ADAMTSL1: variants seen among roughly 807,000 people sequenced by gnomAD.
The protein encoded by ADAMTSL1 is ADAMTS-like protein 1.
ADAMTSL1 carries 126 observed loss-of-function variants against 201.8 expected under a neutral mutation model. That is an observed-to-expected ratio of 0.62 (90% confidence interval 0.54 to 0.72). ADAMTSL1 has a LOEUF of 0.72. ADAMTSL1 is among the 30% of genes least tolerant of loss of function. The pLI, the probability that ADAMTSL1 is intolerant of heterozygous loss-of-function variation, is 0.00. For synonymous variants in ADAMTSL1, 1,121 were observed against 903.4 expected (o/e 1.24, Z -4.32); for missense variants, 2,679 against 2,277.8 (o/e 1.18, Z -3.59).
intron 2 of ADAMTSL1, among the ~76,000 whole-genome samples, chr9:18,167,906 T>A (rs778845034): frequency 8.6e-5 from 13 of 152,034 alleles, no homozygotes; most frequent in Non-Finnish European, 1.6e-4. Context: ...AATGACTCAC[T>A]CTTTCATTAG....
At chr9:18,474,069 C>G (rs1049151697), upstream of ADAMTSL1, 32 of 578,242 alleles carry the variant, frequency 5.5e-5, no homozygotes, top group Non-Finnish European at 7.7e-5. Context: ...GCTTACCCCC[C>G]ACCCATCCAC....
At chr9:17,940,230 T>C (rs190858814) in intron 1 of ADAMTSL1, among the ~76,000 whole-genome samples, 191 of 152,240 alleles carry the variant, frequency 1.3e-3, no homozygotes, top group African/African-American at 4.1e-3. Flanking sequence ...TAATTTGTTT[T>C]TGAGATTGTA....
At chr9:18,798,696 C>T (rs771747999) in intron 20 of ADAMTSL1, among the ~76,000 whole-genome samples, 3 of 152,134 alleles carry the variant, frequency 2.0e-5, no homozygotes, top group East Asian at 1.9e-4. Context: ...GAATATTTCA[C>T]GTGGGCAACA....
At chr9:18,432,951 G>T (rs1819561659) in intron 2 of ADAMTSL1, among the ~76,000 whole-genome samples, 2 of 152,206 alleles carry the variant, frequency 1.3e-5, no homozygotes, top group South Asian at 4.2e-4. Flanking sequence ...CTATGTAGAG[G>T]TTTTAATTTG....
chr9:18,089,895 G>T (rs1229424226), intron 1 of ADAMTSL1, among the ~76,000 whole-genome samples: 1 of 152,126 alleles, frequency 6.6e-6, no homozygotes, highest in African/African-American at 2.4e-5. Flanking sequence ...TATAAGGGTA[G>T]ATCTGTTAAA....
At chr9:18,039,893 G>A (rs1368402935) in intron 1 of ADAMTSL1, among the ~76,000 whole-genome samples, 4 of 152,144 alleles carry the variant, frequency 2.6e-5, no homozygotes, top group African/African-American at 4.8e-5. Context: ...TTCTGAATCC[G>A]ATTTGTCTGT....
intron 2 of ADAMTSL1, among the ~76,000 whole-genome samples, chr9:18,223,454 C>CT (rs1456547490): frequency 6.6e-6 from 1 of 151,950 alleles, no homozygotes; most frequent in African/African-American, 2.4e-5. Flanking sequence ...TCTTTACCAT[C>CT]TTTTTGCTTC....
intron 2 of ADAMTSL1, among the ~76,000 whole-genome samples, chr9:18,532,976 T>C (rs966346626): frequency 3.3e-5 from 5 of 151,942 alleles, no homozygotes; most frequent in African/African-American, 1.2e-4. Context: ...GTACTAATAT[T>C]TATTTGATTA....
chr9:17,995,818 G>C (rs560084187), intron 1 of ADAMTSL1, among the ~76,000 whole-genome samples: 1 of 151,434 alleles, frequency 6.6e-6, no homozygotes, highest in East Asian at 1.9e-4. Context: ...TAAAAATGCT[G>C]GTGCTGGAAA....
intron 2 of ADAMTSL1, among the ~76,000 whole-genome samples, chr9:18,207,169 G>GA (rs1224019958): frequency 4.1e-5 from 6 of 147,462 alleles, no homozygotes; most frequent in African/African-American, 1.2e-4. Flanking sequence ...CCATCTCAAA[G>GA]AAAAAAAAGA....
chr9:18,505,088 C>A (rs928170886), intron 2 of ADAMTSL1, 132 bp downstream of exon 2: 75 of 1,178,162 alleles, frequency 6.4e-5, no homozygotes, highest in Non-Finnish European at 8.0e-5. Flanking sequence ...ATTAAAGGAA[C>A]GTACAAATAA....
intron 2 of ADAMTSL1, among the ~76,000 whole-genome samples, chr9:18,229,157 G>A (rs1046505794): frequency 2.6e-5 from 4 of 152,108 alleles, no homozygotes; most frequent in African/African-American, 9.7e-5. Flanking sequence ...ATTATTTTAG[G>A]AGGAGGTGAG....
At chr9:18,617,396 A>C (rs182801629) in intron 4 of ADAMTSL1, among the ~76,000 whole-genome samples, 2 of 152,232 alleles carry the variant, frequency 1.3e-5, no homozygotes, top group African/African-American at 4.8e-5. Context: ...AAGTGAAGGA[A>C]GAAACCCCTA....
At position 18,548,065 on chromosome 9, in the gene ADAMTSL1, A is replaced by G. The variant is rs73644239; in HGVS notation, c.237+14773A>G. On this transcript the variant is annotated intron_variant, in intron 3 of 28. Coordinates refer to ENST00000380548, the MANE Select transcript of ADAMTSL1 (RefSeq NM_001040272.6). ...TGAAACAGTTTGACAAAGACTTTAA[A>G]ATTAATAAAGTCAATCCTCTTTATT... 4.8e-3 allele frequency among the ~76,000 whole-genome samples: 728 copies of G among 152,222 alleles called. 9 individuals carry two copies. The highest frequency in any genetic ancestry group is 0.017 in the African/African-American group (700 of 41,558).
At chr9:18,541,133 T>C (rs564720925) in intron 3 of ADAMTSL1, among the ~76,000 whole-genome samples, 7 of 152,334 alleles carry the variant, frequency 4.6e-5, no homozygotes, top group African/African-American at 1.7e-4. Context: ...ATTTGTACAC[T>C]GATACAACAA....
rs149059843 is a variant in ADAMTSL1, at chr9:18,898,004, C to T, written c.4851+5408C>T. ...CAGCCTGGCCAATATGGTAAAACCCCATCTCTACTAAAAATATCAAAAAAA... is the reference window on the plus strand; with the variant it reads ...CAGCCTGGCCAATATGGTAAAACCCTATCTCTACTAAAAATATCAAAAAAA... On this transcript the variant is annotated intron_variant, in intron 26 of 28. Coordinates refer to ENST00000380548, the MANE Select transcript of ADAMTSL1 (RefSeq NM_001040272.6). Among the ~76,000 whole-genome samples the T allele has an allele frequency of 7.1e-3, 1,043 of 147,758 alleles. 14 individuals carry two copies. The highest frequency in any genetic ancestry group is 0.025 in the African/African-American group (995 of 39,608).
chr9:18,004,356 G>A (rs930534055), intron 1 of ADAMTSL1, among the ~76,000 whole-genome samples: 2 of 152,002 alleles, frequency 1.3e-5, no homozygotes, highest in African/African-American at 4.8e-5. Context: ...TGCTTCCATA[G>A]GAAGCAGATT....
chr9:18,176,863 A>G (rs1472544354), intron 2 of ADAMTSL1, among the ~76,000 whole-genome samples: 5 of 152,210 alleles, frequency 3.3e-5, no homozygotes, highest in Non-Finnish European at 7.3e-5. Flanking sequence ...AATTCAGGAT[A>G]TATCATCCTG....
At chr9:18,624,526 A>G (rs80352086) in intron 5 of ADAMTSL1, among the ~76,000 whole-genome samples, 2,374 of 152,334 alleles carry the variant, frequency 0.016, 28 homozygotes, top group South Asian at 0.022. Flanking sequence ...TGTTAGGTAC[A>G]AAAGGAAATG....
Sources: allele counts gnomAD v4.1 joint callset (sites outside exome capture counted in the v4.1 genomes callset), GRCh38; gene constraint gnomAD v4.1.1; transcripts MANE v1.5; gene names NCBI Gene and HGNC (gene_info 2026-07-23, HGNC 2026-07-21).